GCGR: variants seen among roughly 807,000 people sequenced by gnomAD.
GCGR encodes glucagon receptor.
A neutral mutation model predicts 56.1 loss-of-function variants in GCGR; 41 were observed. The ratio of observed to expected loss-of-function variants is 0.73; its 90% CI spans 0.57 to 0.95. The LOEUF is 0.95. Ranked by LOEUF, GCGR falls within the 40% of genes least tolerant of loss-of-function variation. GCGR has a pLI of 0.00. For missense variants in GCGR, 595 were observed against 638.2 expected, an observed-to-expected ratio of 0.93 and a Z score of 0.73; for synonymous variants, 278 against 271.1, an observed-to-expected ratio of 1.03 and a Z score of -0.25.
rs1378474345 is a variant in GCGR at position 81,811,525 on chromosome 17, G to A, written c.622G>A (p.Asp208Asn). 1.2e-5 allele frequency: 18 copies of A among 1,536,478 alleles called. No individual in the cohort carries two copies. The highest frequency in any genetic ancestry group is 2.4e-5 in the East Asian group (1 of 40,930). Reference protein sequence around the residue: ...LRTRYSQKIGDDLSVSTWLSD... With the variant: ...LRTRYSQKIGNDLSVSTWLSD... ...GACCCGCTACAGCCAGAAAATTGGCGACGACCTCAGTGTCAGCACCTGGCT... is the reference window on the plus strand; with the variant it reads ...GACCCGCTACAGCCAGAAAATTGGCAACGACCTCAGTGTCAGCACCTGGCT... Residue 208 changes from aspartate (D) to asparagine (N), a missense_variant, in exon 7 of 14, where the codon GAC (aspartate) becomes AAC (asparagine). Transcript: ENST00000400723. The surrounding 1 kb of genome is among the most constrained non-coding windows in gnomAD (Gnocchi z 5.8).
At chr17:81,809,126 C>G in intron 2 of GCGR, 48 bp downstream of exon 2, 5 of 1,522,316 alleles carry the variant, frequency 3.3e-6, no homozygotes, top group Non-Finnish European at 4.4e-6. Context: ...CCTGTGAGGA[C>G]TGCACACTGA....
chr17:81,813,128 G>C lies in GCGR; in HGVS notation c.1218+71G>C. 6.5e-7 allele frequency: 1 copy of C among 1,531,336 alleles called. No homozygotes were observed. The highest frequency in any genetic ancestry group is 1.2e-5 in the South Asian group (1 of 83,896). The allele number at this position is 1,531,336 out of a possible 1,614,324, so 94.9% of individuals were successfully genotyped here. A position where few individuals can be genotyped will look rare whatever the true frequency, so the allele number is the denominator to read the frequency against. ...GGGTCAGGGGCAGAGAGAGGCACAG[G>C]GATGCCAGCCCCACCCCTGCCCGGG... On this transcript the variant is annotated intron_variant, in intron 13 of 13. Transcript: ENST00000400723. The surrounding 1 kb of genome is among the most constrained non-coding windows in gnomAD (Gnocchi z 5.3).
rs1310858046 is a variant in GCGR at position 81,806,562 on chromosome 17, G to T, written c.-177-2280G>T. On this transcript the variant is annotated intron_variant, in intron 1 of 13. Transcript: ENST00000400723. This position sits in a 1 kb window ranked among gnomAD's most constrained non-coding sequence, Gnocchi z 6.5. ...CTGGGGTCTCCAGACTGGCTGCCCG[G>T]CTGGAAGGTGGGGCCCTGGCACGCG... Among the ~76,000 whole-genome samples, 1 of 152,196 alleles carries T rather than the reference G, an allele frequency of 6.6e-6. No homozygotes were observed. Among genetic ancestry groups the T allele is most frequent in the Non-Finnish European group, 1.5e-5 (1 of 68,024 alleles).
chr17:81,810,029 G>A lies in GCGR; in HGVS notation c.163+145G>A, dbSNP rs554158366. ...TCATTCCTCAGGCCCCCACCACCGT[G>A]GGCAGGTGAGGTAACGAGGTAACTG... On this transcript the variant is annotated intron_variant, in intron 3 of 13. Coordinates refer to ENST00000400723, the MANE Select transcript of GCGR (RefSeq NM_000160.5). The surrounding 1 kb of genome is among the most constrained non-coding windows in gnomAD (Gnocchi z 4.6). 7 of 710,292 alleles carry A rather than the reference G, an allele frequency of 9.9e-6. No homozygotes were observed. In the East Asian group the frequency reaches 1.4e-4, roughly 14 times the overall value. 44.0% of individuals were successfully genotyped at this position (710,292 alleles called of 1,614,324 possible).
At position 81,810,958 on chromosome 17, in the gene GCGR, G is replaced by A. The variant is rs1287721732; in HGVS notation, c.271+26G>A. On this transcript the variant is annotated intron_variant, in intron 4 of 13. Transcript: ENST00000400723. This position sits in a 1 kb window ranked among gnomAD's most constrained non-coding sequence, Gnocchi z 4.6. The stretch of plus-strand genomic sequence containing the variant: ...GTACCCATAGAGGGGAGGAACTGTG[G>A]GGGGGGCGGGCCCAGGGTGGGGCTG... The A allele has an allele frequency of 6.5e-7, 1 of 1,536,084 alleles. No homozygotes were observed.
At position 81,811,637 on chromosome 17, in the gene GCGR, T is replaced by C; in HGVS notation, c.658-14T>C. On this transcript the variant is annotated splice_polypyrimidine_tract_variant and intron_variant, in intron 7 of 13. Coordinates refer to ENST00000400723, the MANE Select transcript of GCGR (RefSeq NM_000160.5). This position sits in a 1 kb window ranked among gnomAD's most constrained non-coding sequence, Gnocchi z 5.8. ...GGTGGCCACGTAGCCGCGCTCACAC[T>C]GCACCTGTACCAGGCGGTGGCTGGC... 2 of 1,536,238 alleles carry C rather than the reference T, an allele frequency of 1.3e-6. No individual in the cohort carries two copies. Among genetic ancestry groups the C allele is most frequent in the Middle Eastern group, 1.7e-4 (1 of 5,950 alleles).
Position 81,809,046 on chromosome 17 carries a change from C to CTGCTGCTGT in GCGR, c.37_45dup (p.Leu15_Leu17dup). 1.3e-6 allele frequency: 2 copies of CTGCTGCTGT among 1,536,190 alleles called. No homozygotes were observed. Among genetic ancestry groups the CTGCTGCTGT allele is most frequent in the Non-Finnish European group, 8.7e-7 (1 of 1,146,852 alleles). On this transcript the variant is annotated inframe_insertion, in exon 2 of 14. Coordinates refer to ENST00000400723, the MANE Select transcript of GCGR (RefSeq NM_000160.5). ...GCCCCCCTGCCAGCCACAGCGACCCCTGCTGCTGTTGCTGCTGCTGCTGGC... is the reference window on the plus strand; with the variant it reads ...GCCCCCCTGCCAGCCACAGCGACCCCTGCTGCTGTTGCTGCTGTTGCTGCTGCTGCTGGC...
At position 81,813,170 on chromosome 17, in the gene GCGR, G is replaced by A. The variant is rs2038139484; in HGVS notation, c.1218+113G>A. The A allele has an allele frequency of 2.7e-6, 4 of 1,457,474 alleles. No homozygotes were observed. Among genetic ancestry groups the A allele is most frequent in the South Asian group, 2.4e-5 (2 of 82,258 alleles). The allele number at this position is 1,457,474 out of a possible 1,614,324, so 90.3% of individuals were successfully genotyped here. On this transcript the variant is annotated intron_variant, in intron 13 of 13. Coordinates refer to ENST00000400723, the MANE Select transcript of GCGR (RefSeq NM_000160.5). The surrounding 1 kb of genome is among the most constrained non-coding windows in gnomAD (Gnocchi z 5.3). ...CTGCCCGGGGGTTGGAACACGTGGG[G>A]CCCAAGCCTTTCCCTCCCCCTGCTC...
rs1170651955 is a variant in GCGR at position 81,810,036 on chromosome 17, TGAGGTAAC to T, written c.163+161_163+168del. 23 of 704,808 alleles carry T rather than the reference TGAGGTAAC, an allele frequency of 3.3e-5. No homozygotes were observed. The highest frequency in any genetic ancestry group is 6.1e-4 in the Middle Eastern group (2 of 3,282). 43.7% of individuals were successfully genotyped at this position (704,808 alleles called of 1,614,324 possible). A position where few individuals can be genotyped will look rare whatever the true frequency, so the allele number is the denominator to read the frequency against. On this transcript the variant is annotated intron_variant, in intron 3 of 13. Transcript: ENST00000400723. The surrounding 1 kb of genome is among the most constrained non-coding windows in gnomAD (Gnocchi z 4.6). Reference sequence around the variant, plus strand: ...TCAGGCCCCCACCACCGTGGGCAGGTGAGGTAACGAGGTAACTGAGCCACAGAGCTGGG... The same window carrying T: ...TCAGGCCCCCACCACCGTGGGCAGGTGAGGTAACTGAGCCACAGAGCTGGG...
intron 1 of GCGR, among the ~76,000 whole-genome samples, chr17:81,805,446 G>A (rs943056041): frequency 8.5e-5 from 13 of 152,168 alleles, no homozygotes; most frequent in Non-Finnish European, 1.8e-4. Context: ...GAGGAAGGGG[G>A]TGGCATGCGG....
rs1295525670 is a variant in GCGR, at chr17:81,804,623, C to T, written c.-178+374C>T. 6.6e-6 allele frequency among the ~76,000 whole-genome samples: 1 copy of T among 152,006 alleles called. No individual in the cohort carries two copies. Among genetic ancestry groups the T allele is most frequent in the Non-Finnish European group, 1.5e-5 (1 of 67,958 alleles). ...CCGCCGCCCTGGGGAGCGCACAAAG[C>T]GCCGCGGACGCGTCCCCGAGGCGCG... On this transcript the variant is annotated intron_variant, in intron 1 of 13. Transcript: ENST00000400723. This position sits in a 1 kb window ranked among gnomAD's most constrained non-coding sequence, Gnocchi z 8.2.
intron 1 of GCGR, among the ~76,000 whole-genome samples, chr17:81,807,200 G>T (rs1161406301): frequency 2.6e-5 from 4 of 152,208 alleles, no homozygotes; most frequent in Middle Eastern, 3.2e-3. Flanking sequence ...CCGCCAGGGA[G>T]AGGCCCCTAC....
chr17:81,812,305 C>A lies in GCGR; in HGVS notation c.948+53C>A, dbSNP rs2038119408. ...CCCCAGGCCCCTCCTCCCTTGGCGT[C>A]CTGAGGCTGCCCCAGGAGACAGCAG... is the stretch of plus-strand genomic sequence containing the variant. On this transcript the variant is annotated intron_variant, in intron 10 of 13. Coordinates refer to ENST00000400723, the MANE Select transcript of GCGR (RefSeq NM_000160.5). The surrounding 1 kb of genome is among the most constrained non-coding windows in gnomAD (Gnocchi z 8.5). 1.3e-6 allele frequency: 2 copies of A among 1,523,640 alleles called. No homozygotes were observed. Among genetic ancestry groups the A allele is most frequent in the Non-Finnish European group, 1.8e-6 (2 of 1,137,282 alleles). The allele number at this position is 1,523,640 out of a possible 1,614,324, so 94.4% of individuals were successfully genotyped here. A position where few individuals can be genotyped will look rare whatever the true frequency, so the allele number is the denominator to read the frequency against.
chr17:81,809,283 CCTGTCCGT>C (rs1177513760), intron 2 of GCGR, among the ~76,000 whole-genome samples: 1 of 141,410 alleles, frequency 7.1e-6, no homozygotes, highest in African/African-American at 2.7e-5. Context: ...TGCCTGTCTG[CCTGTCCGT>C]CTGCCTGTCT....
Position 81,811,771 on chromosome 17 carries a change from G to C in GCGR, c.778G>C (p.Glu260Gln), listed in dbSNP as rs999148337. The C allele has an allele frequency of 3.3e-6, 5 of 1,537,824 alleles. No homozygotes were observed. Among genetic ancestry groups the C allele is most frequent in the Non-Finnish European group, 3.5e-6 (4 of 1,147,486 alleles). The change falls in exon 8 of 14, where the codon GAG (glutamate) becomes CAG (glutamine). Residue 260 changes from glutamate (E) to glutamine (Q), a missense_variant. Transcript: ENST00000400723. This position sits in a 1 kb window ranked among gnomAD's most constrained non-coding sequence, Gnocchi z 5.8. Reference protein sequence around the residue: ...HNLLGLATLPERSFFSLYLGI... With the variant: ...HNLLGLATLPQRSFFSLYLGI... ...CCTGCTGGGCCTGGCCACCCTCCCC[G>C]AGAGGAGCTTCTTCAGCCTCTACCT...
rs1304090332 is a variant in GCGR, at chr17:81,812,654, C to T, written c.1026C>T (p.Asp342=). 2.6e-6 allele frequency: 4 copies of T among 1,535,934 alleles called. No homozygotes were observed. The highest frequency in any genetic ancestry group is 2.4e-5 in the East Asian group (1 of 40,864). The change falls in exon 11 of 14, where the codon GAC becomes GAT. Residue 342 remains aspartate, a synonymous_variant. Transcript: ENST00000400723. This position sits in a 1 kb window ranked among gnomAD's most constrained non-coding sequence, Gnocchi z 8.5. ...GGGCACGGCAGATGCACCACACAGA[C>T]TACAAGTTCCGGTGGGTGCCGCGGC... ...KLRARQMHHT[D]YKFRLAKSTL... is the part of the protein sequence containing the mutation.
rs910988277 is a variant in GCGR at position 81,813,123 on chromosome 17, C to T, written c.1218+66C>T. 1 of 1,531,574 alleles carries T rather than the reference C, an allele frequency of 6.5e-7. No individual in the cohort carries two copies. The highest frequency in any genetic ancestry group is 2.2e-4 in the Middle Eastern group (1 of 4,556). The allele number at this position is 1,531,574 out of a possible 1,614,324, so 94.9% of individuals were successfully genotyped here. A position where few individuals can be genotyped will look rare whatever the true frequency, so the allele number is the denominator to read the frequency against. ...CGTCGGGGTCAGGGGCAGAGAGAGG[C>T]ACAGGGATGCCAGCCCCACCCCTGC... On this transcript the variant is annotated intron_variant, in intron 13 of 13. Transcript: ENST00000400723. The surrounding 1 kb of genome is among the most constrained non-coding windows in gnomAD (Gnocchi z 5.3).
At position 81,810,485 on chromosome 17, in the gene GCGR, G is replaced by C; in HGVS notation, c.164-340G>C. ...GGGTTCAGCCCCCAGAGAGGGAGGT[G>C]CTGAGAGAAGGTCACGGAGAATGGG... On this transcript the variant is annotated intron_variant, in intron 3 of 13. Transcript: ENST00000400723. The surrounding 1 kb of genome is among the most constrained non-coding windows in gnomAD (Gnocchi z 4.6). 2.3e-6 allele frequency: 1 copy of C among 435,530 alleles called. No individual in the cohort carries two copies. The highest frequency in any genetic ancestry group is 4.3e-6 in the Non-Finnish European group (1 of 234,920). The allele number at this position is 435,530 out of a possible 1,614,324, so 27.0% of individuals were successfully genotyped here. A position where few individuals can be genotyped will look rare whatever the true frequency, so the allele number is the denominator to read the frequency against.
intron 1 of GCGR, among the ~76,000 whole-genome samples, chr17:81,807,949 C>T (rs1393188422): frequency 1.3e-5 from 2 of 152,360 alleles, no homozygotes; most frequent in South Asian, 2.1e-4. Flanking sequence ...TGTGCCCCCA[C>T]CCTAGGCCAG....
Sources: allele counts gnomAD v4.1 joint callset (sites outside exome capture counted in the v4.1 genomes callset), GRCh38; gene constraint gnomAD v4.1.1; non-coding constraint Gnocchi (gnomAD v3.1); transcripts MANE v1.5; gene names NCBI Gene and HGNC (gene_info 2026-07-23, HGNC 2026-07-21).